The following SAMD4A variants were observed in gnomAD, a reference collection of about 807,000 sequenced individuals.
SAMD4A encodes sterile alpha motif domain containing 4A, also known as protein Smaug homolog 1.
Under a neutral mutation model 81.3 loss-of-function variants are expected in SAMD4A, and 33 were observed. That is an observed-to-expected ratio of 0.41 (90% confidence interval 0.31 to 0.54). SAMD4A has a LOEUF of 0.54. SAMD4A is among the 20% of genes least tolerant of loss of function. The pLI is 0.37. For synonymous variants in SAMD4A, 389 were observed against 382.1 expected, an observed-to-expected ratio of 1.02 and a Z score of -0.21; for missense variants, 854 against 951.1, an observed-to-expected ratio of 0.90 and a Z score of 1.34.
At chr14:54,786,268 A>T (rs984567625) in intron 12 of SAMD4A, among the ~76,000 whole-genome samples, 1 of 152,230 alleles carries the variant, frequency 6.6e-6, no homozygotes, top group Non-Finnish European at 1.5e-5. Flanking sequence ...GATTCCATTT[A>T]TGTGAAATGT....
chr14:54,612,771 G>A (rs190492234), intron 2 of SAMD4A, among the ~76,000 whole-genome samples: 18 of 152,234 alleles, frequency 1.2e-4, no homozygotes, highest in African/African-American at 2.4e-4. Context: ...TAGAAGATGG[G>A]GTGGGAAGAC....
chr14:54,575,355 A>G (rs1178670170), intron 2 of SAMD4A, among the ~76,000 whole-genome samples: 1 of 152,122 alleles, frequency 6.6e-6, no homozygotes, highest in Non-Finnish European at 1.5e-5. Context: ...TGGGTTTTAA[A>G]CTGGCCCAGG....
Position 54,568,008 on chromosome 14 carries a change from A to G in SAMD4A, c.92A>G (p.Lys31Arg). Residue 31 changes from lysine (K) to arginine (R), a missense_variant, in exon 2 of 13, where the codon AAG becomes AGG. By Grantham distance (26) the Lys-to-Arg change is conservative (BLOSUM62 2). This residue lies in a region of SAMD4A where 387 missense variants were observed against 405.8 expected (regional missense o/e 0.95). Transcript: ENST00000554335. ...EQTVALLSLLKRVSQTQARFL... is the reference protein window; with the variant it reads ...EQTVALLSLLRRVSQTQARFL... The stretch of plus-strand genomic sequence containing the variant: ...ACTGTTGCGCTGCTGTCGCTGCTCA[A>G]GCGCGTGAGCCAGACCCAGGCCCGC... 2 of 1,608,268 alleles carry G rather than the reference A, an allele frequency of 1.2e-6. No individual in the cohort carries two copies. The highest frequency in any genetic ancestry group is 8.5e-7 in the Non-Finnish European group (1 of 1,179,528).
chr14:54,682,165 T>C (rs2036143675), intron 2 of SAMD4A: 1 of 556,204 alleles, frequency 1.8e-6, no homozygotes. Flanking sequence ...GAGTCTGCTG[T>C]GTGCACAGAA....
intron 2 of SAMD4A, among the ~76,000 whole-genome samples, chr14:54,673,953 T>C (rs1401322826): frequency 6.6e-6 from 1 of 152,252 alleles, no homozygotes; most frequent in Non-Finnish European, 1.5e-5. Context: ...TTGATGCCTC[T>C]ATCTGAGCAT....
intron 11 of SAMD4A, among the ~76,000 whole-genome samples, chr14:54,776,980 A>ATCAG (rs34752928): frequency 0.017 from 2,630 of 152,284 alleles, 46 homozygotes; most frequent in Middle Eastern, 0.054. Context: ...TGACTGTTGT[A>ATCAG]CCAGCCATCT....
At chr14:54,591,527 G>GTTTTTTTTTTTT (rs55702356) in intron 2 of SAMD4A, among the ~76,000 whole-genome samples, 1 of 147,120 alleles carries the variant, frequency 6.8e-6, no homozygotes, top group African/African-American at 2.5e-5. Context: ...CCTGTATTTT[G>GTTTTTTTTTTTT]TTTTTTTTTT....
chr14:54,627,729 G>A (rs143169675), intron 2 of SAMD4A, among the ~76,000 whole-genome samples: 2 of 152,302 alleles, frequency 1.3e-5, no homozygotes, highest in African/African-American at 4.8e-5. Context: ...TGAGAAAGCC[G>A]AAGCTTTATC....
intron 2 of SAMD4A, among the ~76,000 whole-genome samples, chr14:54,602,844 G>T (rs1330831246): frequency 1.3e-5 from 2 of 151,538 alleles, no homozygotes; most frequent in Non-Finnish European, 2.9e-5. Flanking sequence ...CTCAGTTCAT[G>T]CCTGTCAGGC....
intron 2 of SAMD4A, chr14:54,685,733 T>C (rs1307159221): frequency 2.2e-6 from 1 of 456,666 alleles, no homozygotes; most frequent in African/African-American, 2.0e-5. Context: ...GTAAGAACAC[T>C]TACAACCAGA....
At chr14:54,642,812 T>G (rs1346839026) in intron 2 of SAMD4A, among the ~76,000 whole-genome samples, 2 of 152,188 alleles carry the variant, frequency 1.3e-5, no homozygotes, top group Non-Finnish European at 2.9e-5. Flanking sequence ...CTGCAGACCC[T>G]GCATGCGTGA....
chr14:54,784,668 C>T (rs2039088601), intron 12 of SAMD4A, 48 bp downstream of exon 12: 2 of 1,522,998 alleles, frequency 1.3e-6, no homozygotes, highest in Non-Finnish European at 1.8e-6. Context: ...TACCGTGTGC[C>T]TGGGAGAACT....
At position 54,702,208 on chromosome 14, in the gene SAMD4A, C is replaced by T. The variant is rs767033355; in HGVS notation, c.343C>T (p.His115Tyr). 7 of 1,614,164 alleles carry T rather than the reference C, an allele frequency of 4.3e-6. No individual in the cohort carries two copies. Among genetic ancestry groups the T allele is most frequent in the Non-Finnish European group, 5.9e-6 (7 of 1,180,016 alleles). The change falls in exon 3 of 13, where the codon CAC (histidine) becomes TAC (tyrosine). Residue 115 changes from histidine to tyrosine, a missense_variant. Physicochemically the swap from His to Tyr is moderately conservative, Grantham distance 83. This residue lies in a region of SAMD4A where 387 missense variants were observed against 405.8 expected (regional missense o/e 0.95). Transcript: ENST00000554335. ...LPKILAHSIE[H>Y]NQHIEESRQL... ...CAAAATCCTGGCTCACTCTATTGAA[C>T]ACAACCAGCACATTGAGGAGAGCAG... is the stretch of plus-strand genomic sequence containing the variant.
intron 2 of SAMD4A, among the ~76,000 whole-genome samples, chr14:54,669,110 C>T (rs2035817228): frequency 6.6e-6 from 1 of 152,240 alleles, no homozygotes; most frequent in Non-Finnish European, 1.5e-5. Flanking sequence ...GGAGGCGCAG[C>T]CACAGGGCTG....
chr14:54,786,575 T>TC (rs2039146724), intron 12 of SAMD4A, among the ~76,000 whole-genome samples: 1 of 152,174 alleles, frequency 6.6e-6, no homozygotes, highest in Non-Finnish European at 1.5e-5. Context: ...GCCCCTGTGC[T>TC]CCCCTGCTCG....
intron 2 of SAMD4A, among the ~76,000 whole-genome samples, chr14:54,592,490 C>T (rs758024547): frequency 3.3e-5 from 5 of 152,084 alleles, no homozygotes; most frequent in African/African-American, 4.8e-5. Context: ...TACCAAGTCT[C>T]GCTCTGTCGC....
intron 2 of SAMD4A, among the ~76,000 whole-genome samples, chr14:54,590,515 A>G (rs960291992): frequency 1.3e-5 from 2 of 152,174 alleles, no homozygotes; most frequent in African/African-American, 4.8e-5. Flanking sequence ...ATATTTAAGA[A>G]GAGCCTAGGT....
chr14:54,584,583 T>G (rs2033564824), intron 2 of SAMD4A, among the ~76,000 whole-genome samples: 1 of 152,222 alleles, frequency 6.6e-6, no homozygotes, highest in African/African-American at 2.4e-5. Flanking sequence ...TTCAATGGAA[T>G]AAACTAGACA....
At chr14:54,641,537 A>G (rs2035174187) in intron 2 of SAMD4A, among the ~76,000 whole-genome samples, 1 of 152,230 alleles carries the variant, frequency 6.6e-6, no homozygotes, top group Non-Finnish European at 1.5e-5. Flanking sequence ...ACAAAGCAGT[A>G]TTAAAAATCT....
Sources: allele counts gnomAD v4.1 joint callset (sites outside exome capture counted in the v4.1 genomes callset), GRCh38; gene constraint gnomAD v4.1.1; regional missense constraint gnomAD v4.1.1; transcripts MANE v1.5; gene names NCBI Gene and HGNC (gene_info 2026-07-23, HGNC 2026-07-21).